Variants in ASTN2 observed in about 807,000 individuals in gnomAD.
The protein encoded by ASTN2 is astrotactin 2.
A neutral mutation model predicts 139.8 loss-of-function variants in ASTN2; 54 were observed. The observed-to-expected ratio is 0.39, with a 90% CI of 0.31 to 0.48. ASTN2 has a LOEUF of 0.48. Among genes scored for constraint, ASTN2 ranks in the 20% least tolerant of loss-of-function variants. ASTN2 has a pLI of 0.95. For missense variants in ASTN2, 1,565 were observed against 1,725.1 expected (o/e 0.91, Z 1.64); for synonymous variants, 756 against 719.5 (o/e 1.05, Z -0.81).
At chr9:117,059,874 C>T (rs1041871607) in intron 5 of ASTN2, among the ~76,000 whole-genome samples, 1 of 152,106 alleles carries the variant, frequency 6.6e-6, no homozygotes, top group Admixed American at 6.6e-5. Flanking sequence ...AAGACAAGAC[C>T]GCAATTCCTA....
At chr9:116,437,103 T>C (rs1365476843) in intron 22 of ASTN2, 1 of 320,234 alleles carries the variant, frequency 3.1e-6, no homozygotes, top group African/African-American at 2.2e-5. Context: ...ATATACCTAA[T>C]GCTAGATGAC....
chr9:116,939,073 C>T (rs1169661376), intron 10 of ASTN2, among the ~76,000 whole-genome samples: 1 of 152,202 alleles, frequency 6.6e-6, no homozygotes, highest in Non-Finnish European at 1.5e-5. Context: ...CGGTGGTAAT[C>T]AGCTCAGGCT....
intron 16 of ASTN2, among the ~76,000 whole-genome samples, chr9:116,663,280 T>C (rs1858669344): frequency 6.6e-6 from 1 of 152,106 alleles, no homozygotes; most frequent in South Asian, 2.1e-4. Flanking sequence ...ACCAACAAGG[T>C]ATACCAGCCC....
intron 19 of ASTN2, among the ~76,000 whole-genome samples, chr9:116,609,324 C>CTATATATA (rs368559373): frequency 5.6e-4 from 62 of 111,456 alleles, no homozygotes; most frequent in East Asian, 1.6e-3. Flanking sequence ...CTCTCTCTCT[C>CTATATATA]TCTCTATATA....
At chr9:116,544,385 C>T (rs979053669) in intron 19 of ASTN2, among the ~76,000 whole-genome samples, 4 of 152,098 alleles carry the variant, frequency 2.6e-5, no homozygotes, top group Non-Finnish European at 4.4e-5. Context: ...TGTTTTGCAT[C>T]GAAAATCACC....
At chr9:117,095,934 A>G in intron 5 of ASTN2, 110 bp downstream of exon 5, 3 of 987,204 alleles carry the variant, frequency 3.0e-6, no homozygotes, top group Non-Finnish European at 4.7e-6. Flanking sequence ...TTTTAACCAG[A>G]TGGGGACCAG....
intron 6 of ASTN2, among the ~76,000 whole-genome samples, chr9:117,033,722 G>A (rs1838309705): frequency 6.6e-6 from 1 of 152,018 alleles, no homozygotes; most frequent in Admixed American, 6.6e-5. Context: ...ACCTTAGACT[G>A]GGGGCTCAGG....
intron 2 of ASTN2, among the ~76,000 whole-genome samples, chr9:117,249,082 T>C (rs1003438561): frequency 6.6e-6 from 1 of 152,218 alleles, no homozygotes; most frequent in African/African-American, 2.4e-5. Context: ...CCTGTTCTCC[T>C]GAGCAACTCC....
At chr9:116,909,095 A>C (rs1474159136) in intron 10 of ASTN2, among the ~76,000 whole-genome samples, 1 of 152,180 alleles carries the variant, frequency 6.6e-6, no homozygotes, top group Non-Finnish European at 1.5e-5. Flanking sequence ...TGTGCTAAAA[A>C]AGCCATGGCA....
intron 3 of ASTN2, among the ~76,000 whole-genome samples, chr9:117,161,594 A>G (rs1039677245): frequency 6.6e-6 from 1 of 152,034 alleles, no homozygotes; most frequent in Non-Finnish European, 1.5e-5. Context: ...GGGTTTTGCC[A>G]TGTTGGCCAG....
At chr9:116,835,614 C>T (rs1472632421) in intron 11 of ASTN2, among the ~76,000 whole-genome samples, 2 of 152,094 alleles carry the variant, frequency 1.3e-5, no homozygotes, top group Admixed American at 6.6e-5. Context: ...GAACCAACAA[C>T]CCGCTGCCCC....
chr9:116,816,925 G>A (rs1041936427), intron 12 of ASTN2, among the ~76,000 whole-genome samples: 4 of 46,040 alleles, frequency 8.7e-5, no homozygotes, highest in Admixed American at 2.4e-4. Context: ...ATAAATAGAC[G>A]AGGGAAAATG....
chr9:116,584,061 A>C (rs908684167), intron 19 of ASTN2: 1 of 152,240 alleles, frequency 6.6e-6, no homozygotes, highest in Non-Finnish European at 1.5e-5. Context: ...TAATCACCCA[A>C]TTAAGAGGAG....
At chr9:117,328,772 T>C (rs532159843) in intron 1 of ASTN2, among the ~76,000 whole-genome samples, 6 of 152,284 alleles carry the variant, frequency 3.9e-5, no homozygotes, top group East Asian at 1.9e-4. Flanking sequence ...AGCTGCCCCA[T>C]GGATGACCCA....
At chr9:116,595,295 A>C (rs1360516994) in intron 19 of ASTN2, among the ~76,000 whole-genome samples, 1 of 151,234 alleles carries the variant, frequency 6.6e-6, no homozygotes, top group Non-Finnish European at 1.5e-5. Flanking sequence ...GTAGGTACTT[A>C]ACAAATGTCA....
At chr9:117,018,043 C>T (rs1588485206) in intron 6 of ASTN2, among the ~76,000 whole-genome samples, 1 of 151,934 alleles carries the variant, frequency 6.6e-6, no homozygotes, top group East Asian at 1.9e-4. Flanking sequence ...AGCTTTTCCC[C>T]TGATTGTCAC....
At chr9:117,270,149 T>A (rs1168678793) in intron 2 of ASTN2, among the ~76,000 whole-genome samples, 3 of 152,210 alleles carry the variant, frequency 2.0e-5, no homozygotes, top group Non-Finnish European at 4.4e-5. Context: ...TATTAGTTTT[T>A]CTTGTTTAAA....
intron 5 of ASTN2, among the ~76,000 whole-genome samples, chr9:117,041,814 A>G (rs541609964): frequency 7.6e-4 from 115 of 152,176 alleles, no homozygotes; most frequent in Non-Finnish European, 9.7e-4. Flanking sequence ...ACATTAGTGC[A>G]GGTGTTTTTC....
At position 116,454,037 on chromosome 9, in the gene ASTN2, A is replaced by G. The variant is rs570067897; in HGVS notation, c.3498-11484T>C. On this transcript the variant is annotated intron_variant, in intron 20 of 22. Transcript: ENST00000313400. ...TTCTTTTCCTATTTCACAATGGGTC[A>G]CTAGATGTCTTCACTGGTGAATGAT... 6.3e-4 allele frequency among the ~76,000 whole-genome samples: 96 copies of G among 152,328 alleles called. 1 individual carries two copies. The highest frequency in any genetic ancestry group is 2.2e-3 in the African/African-American group (90 of 41,578).
Sources: gnomAD v4.1 joint callset for allele counts (sites outside exome capture counted in the v4.1 genomes callset) on GRCh38, gnomAD v4.1.1 for gene constraint, MANE v1.5 for transcripts, NCBI Gene and HGNC (gene_info 2026-07-23, HGNC 2026-07-21) for gene names.